Variants in CNTN4 observed in about 807,000 individuals in gnomAD.
CNTN4 encodes contactin 4.
CNTN4 carries 77 observed loss-of-function variants against 122.5 expected under a neutral mutation model. The ratio of observed to expected loss-of-function variants is 0.63; its 90% CI spans 0.52 to 0.76. CNTN4 has a LOEUF of 0.76. Ranked by LOEUF, CNTN4 falls within the 30% of genes least tolerant of loss-of-function variation. The probability of loss-of-function intolerance (pLI) is 0.00; values close to 1 mark genes in which losing one functional copy is unlikely to be tolerated. For synonymous variants in CNTN4, 512 were observed against 447.0 expected (o/e 1.15, Z -1.83); for missense variants, 1,256 against 1,259.1 (o/e 1.00, Z 0.04).
At chr3:2,582,025 T>A (rs1254280555) in intron 4 of CNTN4, among the ~76,000 whole-genome samples, 7 of 152,204 alleles carry the variant, frequency 4.6e-5, no homozygotes, top group Non-Finnish European at 1.0e-4. Flanking sequence ...CTGTTGGATA[T>A]GTGATGTCTT....
At chr3:2,222,477 T>C (rs2039097991) in intron 2 of CNTN4, among the ~76,000 whole-genome samples, 1 of 152,190 alleles carries the variant, frequency 6.6e-6, no homozygotes, top group South Asian at 2.1e-4. Flanking sequence ...TGTTCTGAAA[T>C]TGGGTGGAAA....
chr3:2,608,762 A>T (rs1432365520), intron 4 of CNTN4, among the ~76,000 whole-genome samples: 1 of 152,238 alleles, frequency 6.6e-6, no homozygotes, highest in African/African-American at 2.4e-5. Context: ...CTGGAATTAC[A>T]GGCATGAGCA....
At position 2,900,787 on chromosome 3, in the gene CNTN4, A is replaced by G. The variant is rs1053432841; in HGVS notation, c.1043A>G (p.Lys348Arg). 4 of 1,613,868 alleles carry G rather than the reference A, an allele frequency of 2.5e-6. No individual in the cohort carries two copies. Among genetic ancestry groups the G allele is most frequent in the Non-Finnish European group, 3.4e-6 (4 of 1,179,842 alleles). Residue 348 changes from lysine to arginine, a missense_variant, in exon 11 of 25, where the codon AAG becomes AGG. Coordinates refer to ENST00000418658, the MANE Select transcript of CNTN4 (RefSeq NM_175607.3). Reference sequence around the variant, plus strand: ...AATGGAAGGCCTAAGCCTACATACAAGTGGCTAAAAAATGGCGAACCTCTG... The same window carrying G: ...AATGGAAGGCCTAAGCCTACATACAGGTGGCTAAAAAATGGCGAACCTCTG... ...KANGRPKPTY[K>R]WLKNGEPLLT...
intron 13 of CNTN4, among the ~76,000 whole-genome samples, chr3:2,946,936 GC>G (rs1436991198): frequency 6.6e-6 from 1 of 151,904 alleles, no homozygotes; most frequent in East Asian, 1.9e-4. Flanking sequence ...AAACTCCCGG[GC>G]TCAAGCAATC....
At chr3:2,233,749 C>G (rs190770911) in intron 2 of CNTN4, among the ~76,000 whole-genome samples, 2 of 152,142 alleles carry the variant, frequency 1.3e-5, no homozygotes, top group Non-Finnish European at 2.9e-5. Flanking sequence ...ATCTAGCTTA[C>G]TCCTCTAATT....
intron 2 of CNTN4, among the ~76,000 whole-genome samples, chr3:2,215,842 C>A (rs2038812677): frequency 7.4e-6 from 1 of 134,858 alleles, no homozygotes; most frequent in Admixed American, 8.1e-5. Flanking sequence ...GAGACTGTGC[C>A]ACTGCACTCC....
intron 13 of CNTN4, among the ~76,000 whole-genome samples, chr3:2,975,518 C>A (rs1177653262): frequency 6.6e-6 from 1 of 152,202 alleles, no homozygotes; most frequent in Non-Finnish European, 1.5e-5. Context: ...CAGCCAACAG[C>A]ACCCAATAGG....
chr3:2,515,945 C>T (rs2149106173), intron 3 of CNTN4, among the ~76,000 whole-genome samples: 1 of 152,068 alleles, frequency 6.6e-6, no homozygotes, highest in Admixed American at 6.6e-5. Context: ...TATTTTTTAA[C>T]ATCAAGTGTA....
In CNTN4 at chr3:2,708,772, C is replaced by T. The variant is rs1032646477; in HGVS notation, c.56-27443C>T. Among the ~76,000 whole-genome samples the T allele has an allele frequency of 1.3e-4, 19 of 149,990 alleles. 1 individual carries two copies. Among genetic ancestry groups the T allele is most frequent in the Admixed American group, 4.7e-4 (7 of 15,036 alleles). On this transcript the variant is annotated intron_variant, in intron 4 of 24. Transcript: ENST00000418658. ...ACACACACACACACACACACACTGC[C>T]CAGAAGAAAATGATAGGATTTTTTC... is the stretch of plus-strand genomic sequence containing the variant.
At chr3:2,498,737 C>G (rs1387739503) in intron 3 of CNTN4, among the ~76,000 whole-genome samples, 1 of 152,086 alleles carries the variant, frequency 6.6e-6, no homozygotes, top group African/African-American at 2.4e-5. Context: ...CTGCCTTGGC[C>G]TCCCAAAGGG....
chr3:2,823,613 T>C (rs1348672163), intron 7 of CNTN4, among the ~76,000 whole-genome samples: 1 of 152,226 alleles, frequency 6.6e-6, no homozygotes, highest in Non-Finnish European at 1.5e-5. Flanking sequence ...ACAGAAATTA[T>C]TGAGGTCCAG....
chr3:2,867,997 A>G (rs1467856613), intron 8 of CNTN4, among the ~76,000 whole-genome samples: 2 of 152,176 alleles, frequency 1.3e-5, no homozygotes. Flanking sequence ...AAGGGCTGAT[A>G]TCATGATTTA....
chr3:2,958,601 A>G (rs539316098), intron 13 of CNTN4, among the ~76,000 whole-genome samples: 1 of 152,318 alleles, frequency 6.6e-6, no homozygotes, highest in Admixed American at 6.5e-5. Flanking sequence ...AGTAGCTTAC[A>G]AAATGTAAGC....
At chr3:2,614,006 T>C (rs547538975) in intron 4 of CNTN4, among the ~76,000 whole-genome samples, 7 of 152,254 alleles carry the variant, frequency 4.6e-5, no homozygotes, top group Middle Eastern at 3.4e-3. Flanking sequence ...GTACTTTTTC[T>C]CAAAGAGCTA....
intron 4 of CNTN4, among the ~76,000 whole-genome samples, chr3:2,730,598 A>C (rs187791858): frequency 6.6e-6 from 1 of 152,344 alleles, no homozygotes; most frequent in East Asian, 1.9e-4. Context: ...AAAAAACTAC[A>C]TTTAGCATCA....
chr3:2,708,726 AT>A (rs2086899307), intron 4 of CNTN4, among the ~76,000 whole-genome samples: 2 of 122,434 alleles, frequency 1.6e-5, no homozygotes, highest in Non-Finnish European at 3.3e-5. Context: ...GCACGCGCGC[AT>A]CACACACACA....
At chr3:2,950,809 C>CT (rs372349093) in intron 13 of CNTN4, among the ~76,000 whole-genome samples, 152 of 152,328 alleles carry the variant, frequency 1.0e-3, no homozygotes, top group African/African-American at 3.3e-3. Flanking sequence ...AGCCCATGAA[C>CT]TTATCCTTAT....
chr3:2,531,708 T>C (rs538999623), intron 3 of CNTN4, among the ~76,000 whole-genome samples: 10 of 152,274 alleles, frequency 6.6e-5, no homozygotes, highest in Non-Finnish European at 1.3e-4. Flanking sequence ...CTGCTTTATA[T>C]TGTCTTTAGA....
chr3:2,450,510 C>T (rs918465520), intron 3 of CNTN4, among the ~76,000 whole-genome samples: 2 of 152,086 alleles, frequency 1.3e-5, no homozygotes, highest in Non-Finnish European at 2.9e-5. Flanking sequence ...CTCAATATTG[C>T]ACTTTGCAAT....
Sources: allele counts gnomAD v4.1 joint callset (sites outside exome capture counted in the v4.1 genomes callset), GRCh38; gene constraint gnomAD v4.1.1; transcripts MANE v1.5; gene names NCBI Gene and HGNC (gene_info 2026-07-23, HGNC 2026-07-21).